The following KCNQ1 variants were observed in gnomAD, a reference collection of about 807,000 sequenced individuals.
The protein encoded by KCNQ1 is potassium voltage-gated channel subfamily Q member 1, also known as potassium voltage-gated channel subfamily KQT member 1.
Under a neutral mutation model 72.4 loss-of-function variants are expected in KCNQ1, and 49 were observed. The ratio of observed to expected loss-of-function variants is 0.68; its 90% CI spans 0.54 to 0.86. KCNQ1 has a LOEUF of 0.86. KCNQ1 is among the 40% of genes least tolerant of loss of function. The pLI, the probability that KCNQ1 is intolerant of heterozygous loss-of-function variation, is 0.00. For missense variants in KCNQ1, 790 were observed against 945.1 expected (o/e 0.84, Z 2.15); for synonymous variants, 450 against 412.6 (o/e 1.09, Z -1.10).
At chr11:2,722,551 G>A (rs1350313936) in intron 11 of KCNQ1, among the ~76,000 whole-genome samples, 3 of 152,180 alleles carry the variant, frequency 2.0e-5, no homozygotes, top group Non-Finnish European at 4.4e-5. Context: ...GCCACGGCTG[G>A]TGGGTCCCAC....
chr11:2,593,837 A>G lies in KCNQ1; in HGVS notation c.1393+4983A>G, dbSNP rs1481377608. On this transcript the variant is annotated intron_variant, in intron 10 of 15. Transcript: ENST00000155840. This position sits in a 1 kb window ranked among gnomAD's most constrained non-coding sequence, Gnocchi z 6.9. ...CCTCCATTCAAAGCCGTGTGTTCTG[A>G]TTGTGCACTTTTGGTGGCTGCCACA... 2.0e-5 allele frequency among the ~76,000 whole-genome samples: 3 copies of G among 152,104 alleles called. No individual in the cohort carries two copies. The highest frequency in any genetic ancestry group is 7.2e-5 in the African/African-American group (3 of 41,396).
In KCNQ1 at chr11:2,674,325, C is replaced by T. The variant is rs565429173; in HGVS notation, c.1514+12244C>T. 22 of 398,602 alleles carry T rather than the reference C, an allele frequency of 5.5e-5. No homozygotes were observed. Among genetic ancestry groups the T allele is most frequent in the African/African-American group, 3.9e-4 (19 of 48,620 alleles). 24.7% of individuals were successfully genotyped at this position (398,602 alleles called of 1,614,324 possible). On this transcript the variant is annotated intron_variant, in intron 11 of 15. Coordinates refer to ENST00000155840, the MANE Select transcript of KCNQ1 (RefSeq NM_000218.3). The surrounding 1 kb of genome is among the most constrained non-coding windows in gnomAD (Gnocchi z 5.9). ...GCCGTAGAGCTGGAGGCCAAGGACACCCTCTGGAAATCTGAATTCCATTCG... is the reference window on the plus strand; with the variant it reads ...GCCGTAGAGCTGGAGGCCAAGGACATCCTCTGGAAATCTGAATTCCATTCG...
At chr11:2,739,552 T>C (rs1846015932) in intron 11 of KCNQ1, among the ~76,000 whole-genome samples, 2 of 152,244 alleles carry the variant, frequency 1.3e-5, no homozygotes, top group Admixed American at 1.3e-4. Context: ...CATTTCATTC[T>C]AGAAAGGCTG....
intron 11 of KCNQ1, among the ~76,000 whole-genome samples, chr11:2,731,583 T>G (rs1845859202): frequency 6.6e-6 from 1 of 152,246 alleles, no homozygotes; most frequent in Non-Finnish European, 1.5e-5. Context: ...TCCCCTTCGC[T>G]GCTTGAGGCA....
At chr11:2,535,224 G>A (rs574311713) in intron 2 of KCNQ1, among the ~76,000 whole-genome samples, 1 of 152,200 alleles carries the variant, frequency 6.6e-6, no homozygotes, top group African/African-American at 2.4e-5. Context: ...GGCTTTGGGC[G>A]GGTAAGGGTA....
intron 11 of KCNQ1, among the ~76,000 whole-genome samples, chr11:2,728,173 G>A (rs1845797763): frequency 6.6e-6 from 1 of 152,004 alleles, no homozygotes; most frequent in African/African-American, 2.4e-5. Flanking sequence ...CCTCACACAG[G>A]CCTCACCTCT....
chr11:2,641,449 C>T (rs1849575755), intron 10 of KCNQ1: 1 of 397,756 alleles, frequency 2.5e-6, no homozygotes, highest in South Asian at 1.3e-4. Flanking sequence ...TGAGAAATAT[C>T]TATCCATGTC....
intron 15 of KCNQ1, among the ~76,000 whole-genome samples, chr11:2,798,429 C>T (rs551182911): frequency 4.6e-5 from 7 of 152,204 alleles, no homozygotes; most frequent in South Asian, 2.1e-4. Flanking sequence ...GATCCTCAGC[C>T]GTCTGGGGGG....
chr11:2,768,730 C>T lies in KCNQ1; in HGVS notation c.1515-114C>T, dbSNP rs953405340. The T allele has an allele frequency of 1.3e-5, 11 of 835,938 alleles. No individual in the cohort carries two copies. The highest frequency in any genetic ancestry group is 3.3e-5 in the African/African-American group (2 of 59,850). The allele number at this position is 835,938 out of a possible 1,614,324, so 51.8% of individuals were successfully genotyped here. A position where few individuals can be genotyped will look rare whatever the true frequency, so the allele number is the denominator to read the frequency against. On this transcript the variant is annotated intron_variant, in intron 11 of 15. Coordinates refer to ENST00000155840, the MANE Select transcript of KCNQ1 (RefSeq NM_000218.3). The surrounding 1 kb of genome is among the most constrained non-coding windows in gnomAD (Gnocchi z 6.7). ...TCTCCATCCCATGGAGTTGAACACT[C>T]TCCTTGTTTCTGGAAGGATCCAGTC...
chr11:2,744,805 C>T (rs1177189413), intron 11 of KCNQ1, among the ~76,000 whole-genome samples: 4 of 152,200 alleles, frequency 2.6e-5, no homozygotes, highest in Non-Finnish European at 4.4e-5. Flanking sequence ...GGCCTGTCGT[C>T]GTGTCCAGGT....
intron 15 of KCNQ1, among the ~76,000 whole-genome samples, chr11:2,800,106 C>T (rs552376178): frequency 2.0e-5 from 3 of 152,220 alleles, no homozygotes; most frequent in Non-Finnish European, 4.4e-5. Context: ...ATGCAGACGT[C>T]CACAGTTCCC....
At chr11:2,524,649 C>A (rs553127336) in intron 1 of KCNQ1, among the ~76,000 whole-genome samples, 29 of 152,318 alleles carry the variant, frequency 1.9e-4, no homozygotes, top group Non-Finnish European at 3.2e-4. Flanking sequence ...TTTGCCACAT[C>A]TTTGCAGTAG....
At chr11:2,610,006 T>C (rs1344346832) in intron 10 of KCNQ1, 1 of 397,878 alleles carries the variant, frequency 2.5e-6, no homozygotes, top group Non-Finnish European at 4.4e-6. Context: ...TCCATTCACA[T>C]TTAATATTAT....
At position 2,634,340 on chromosome 11, in the gene KCNQ1, C is replaced by T. The variant is rs1396153063; in HGVS notation, c.1394-27621C>T. 2.3e-5 allele frequency: 5 copies of T among 217,876 alleles called. No homozygotes were observed. The Admixed American group carries it at 3.2e-4, about 14-fold the overall frequency. The allele number at this position is 217,876 out of a possible 1,614,324, so 13.5% of individuals were successfully genotyped here. A position where few individuals can be genotyped will look rare whatever the true frequency, so the allele number is the denominator to read the frequency against. ...CCCCCTCCCCCCTCCCCCCCCACCC[C>T]ACAACAGGCCCTGGTGGGTGATGTT... On this transcript the variant is annotated intron_variant, in intron 10 of 15. Coordinates refer to ENST00000155840, the MANE Select transcript of KCNQ1 (RefSeq NM_000218.3).
chr11:2,539,340 G>A (rs1455242296), intron 2 of KCNQ1, among the ~76,000 whole-genome samples: 2 of 152,204 alleles, frequency 1.3e-5, no homozygotes, highest in South Asian at 2.1e-4. Flanking sequence ...CCTGTCGGCT[G>A]GTTCCATCGT....
At chr11:2,644,326 G>C (rs1456038351) in intron 10 of KCNQ1, 2 of 398,070 alleles carry the variant, frequency 5.0e-6, no homozygotes, top group African/African-American at 2.1e-5. Flanking sequence ...TATCTTCAAG[G>C]TGTGAAATTC....
Position 2,752,760 on chromosome 11 carries a change from G to A in KCNQ1, c.1515-16084G>A. 6.6e-6 allele frequency among the ~76,000 whole-genome samples: 1 copy of A among 152,132 alleles called. No homozygotes were observed. The highest frequency in any genetic ancestry group is 1.5e-5 in the Non-Finnish European group (1 of 68,028). ...GGCTGCGGGTTAGCTTTCGACATAG[G>A]GACTTTGGGAAGACACACACATTCA... On this transcript the variant is annotated intron_variant, in intron 11 of 15. Transcript: ENST00000155840. The surrounding 1 kb of genome is among the most constrained non-coding windows in gnomAD (Gnocchi z 5.2).
chr11:2,496,495 CTTT>C, intron 1 of KCNQ1, among the ~76,000 whole-genome samples: 312 of 29,812 alleles, frequency 0.01, no homozygotes, highest in Non-Finnish European at 0.016. Context: ...ACAACCCCTG[CTTT>C]TTTTTTTTTT....
chr11:2,528,293 TGGAA>T (rs1032855381), intron 2 of KCNQ1, among the ~76,000 whole-genome samples: 2 of 151,996 alleles, frequency 1.3e-5, no homozygotes, highest in African/African-American at 4.8e-5. Flanking sequence ...CAGGCTGGGC[TGGAA>T]GGAAGGAAGG....
Sources: allele counts gnomAD v4.1 joint callset (sites outside exome capture counted in the v4.1 genomes callset), GRCh38; gene constraint gnomAD v4.1.1; non-coding constraint Gnocchi (gnomAD v3.1); transcripts MANE v1.5; gene names NCBI Gene and HGNC (gene_info 2026-07-23, HGNC 2026-07-21).